Variants in ATAD5 observed in about 807,000 individuals in gnomAD.
ATAD5 encodes the protein ATPase family AAA domain-containing protein 5.
In ATAD5, 58 loss-of-function variants were observed where a neutral mutation model predicts 176.9. That is an observed-to-expected ratio of 0.33 (90% CI 0.27 to 0.41). The LOEUF (loss-of-function observed/expected upper bound fraction) is 0.41, where lower values mean the gene tolerates loss of function less well. Ranked by LOEUF, ATAD5 falls within the 10% of genes least tolerant of loss-of-function variation. The pLI, the probability that ATAD5 is intolerant of heterozygous loss-of-function variation, is 1.00. For missense variants in ATAD5, 1,789 were observed against 2,094.1 expected, an observed-to-expected ratio of 0.85 and a Z score of 2.84; for synonymous variants, 640 against 712.6, an observed-to-expected ratio of 0.90 and a Z score of 1.62.
Position 30,843,896 on chromosome 17 carries a change from CT to C in ATAD5, c.2242-16del. ...TTATATGATTTAATTAAAATTTATT[CT>C]CTTATTTTGTCTTAGGATTCTGTTA... On this transcript the variant is annotated splice_polypyrimidine_tract_variant and intron_variant, in intron 4 of 22. Coordinates refer to ENST00000321990, the MANE Select transcript of ATAD5 (RefSeq NM_024857.5). 1 of 1,258,738 alleles carries C rather than the reference CT, an allele frequency of 7.9e-7. No individual in the cohort carries two copies. Among genetic ancestry groups the C allele is most frequent in the Non-Finnish European group, 1.1e-6 (1 of 927,782 alleles). 78.0% of individuals were successfully genotyped at this position (1,258,738 alleles called of 1,614,324 possible).
chr17:30,876,132 G>A (rs1254521492), intron 14 of ATAD5, among the ~76,000 whole-genome samples: 1 of 151,648 alleles, frequency 6.6e-6, no homozygotes, highest in Non-Finnish European at 1.5e-5. Flanking sequence ...GCGAGACCCT[G>A]TCTCAAAAAA....
rs1276110681 is a variant in ATAD5 at position 30,859,868 on chromosome 17, C to T, written c.2957-565C>T. ...CCTCCTAGGTAGCTGAGATTACAGG[C>T]ACACGCCACCATGCCTGGCTAATTT... On this transcript the variant is annotated intron_variant, in intron 9 of 22. Coordinates refer to ENST00000321990, the MANE Select transcript of ATAD5 (RefSeq NM_024857.5). 1.4e-5 allele frequency among the ~76,000 whole-genome samples: 2 copies of T among 146,356 alleles called. 1 individual carries two copies. The highest frequency in any genetic ancestry group is 3.0e-5 in the Non-Finnish European group (2 of 66,350).
At chr17:30,872,705 G>A (rs879752921) in intron 14 of ATAD5, among the ~76,000 whole-genome samples, 3 of 151,858 alleles carry the variant, frequency 2.0e-5, no homozygotes, top group African/African-American at 4.8e-5. Flanking sequence ...ACAGGCGCTC[G>A]CCATCACGCA....
chr17:30,884,737 A>G (rs981163201), intron 18 of ATAD5, among the ~76,000 whole-genome samples: 8 of 111,412 alleles, frequency 7.2e-5, no homozygotes, highest in Non-Finnish European at 3.5e-5. Flanking sequence ...CCCTTTCCTT[A>G]TATTTCTTTT....
chr17:30,857,590 GA>G (rs1907357842), intron 8 of ATAD5, among the ~76,000 whole-genome samples: 1 of 152,070 alleles, frequency 6.6e-6, no homozygotes, highest in Non-Finnish European at 1.5e-5. Flanking sequence ...AACATTTTAA[GA>G]ATTAATGATT....
rs770396883 is a variant in ATAD5 at position 30,879,409 on chromosome 17, G to A, written c.4013-14G>A. The A allele has an allele frequency of 9.4e-6, 15 of 1,596,190 alleles. No homozygotes were observed. In the African/African-American group the frequency reaches 1.9e-4, roughly 21 times the overall value. On this transcript the variant is annotated splice_polypyrimidine_tract_variant and intron_variant, in intron 17 of 22. Coordinates refer to ENST00000321990, the MANE Select transcript of ATAD5 (RefSeq NM_024857.5). ...TTAAGAATTTTTTTTTTTTGTGTGT[G>A]TGTGTGTGTGTAGACCCAACATTTA...
chr17:30,845,151 A>G (rs1473243292), intron 6 of ATAD5, among the ~76,000 whole-genome samples: 2 of 152,242 alleles, frequency 1.3e-5, no homozygotes, highest in Non-Finnish European at 2.9e-5. Flanking sequence ...AATACAAAAA[A>G]GCTGATAATG....
At position 30,836,024 on chromosome 17, in the gene ATAD5, C is replaced by G; in HGVS notation, c.1943C>G (p.Pro648Arg). ...SLYTAELITV[P>R]FDSESPIRMK... Reference sequence around the variant, plus strand: ...TATACAGCAGAATTAATAACAGTACCCTTTGATTCAGAGAGCCCTATTAGG... The same window carrying G: ...TATACAGCAGAATTAATAACAGTACGCTTTGATTCAGAGAGCCCTATTAGG... Residue 648 changes from proline (P) to arginine (R), a missense_variant, in exon 2 of 23, where the codon CCC becomes CGC. This residue lies in a region of ATAD5 where 487 missense variants were observed against 573.6 expected (regional missense o/e 0.85). Coordinates refer to ENST00000321990, the MANE Select transcript of ATAD5 (RefSeq NM_024857.5). 6.2e-7 allele frequency: 1 copy of G among 1,603,382 alleles called. No individual in the cohort carries two copies.
chr17:30,834,206 AT>A lies in ATAD5; in HGVS notation c.128del (p.Leu43TyrfsTer4). The A allele has an allele frequency of 1.3e-6, 2 of 1,595,118 alleles. No homozygotes were observed. The highest frequency in any genetic ancestry group is 1.8e-5 in the Admixed American group (1 of 54,230). On this transcript the variant is annotated frameshift_variant, in exon 2 of 23. Coordinates refer to ENST00000321990, the MANE Select transcript of ATAD5 (RefSeq NM_024857.5). LOFTEE classifies it high-confidence loss of function. Reference sequence around the variant, plus strand: ...TCTACCTGCAAAACAATTACAAAATATTTATCACCACTAGGGAAGACTAGAG... The same window carrying A: ...TCTACCTGCAAAACAATTACAAAATATTATCACCACTAGGGAAGACTAGAG... ...DTSTCKTITK[Y>X]LSPLGKTRDR...
At chr17:30,891,403 A>T (rs1909631822) in intron 19 of ATAD5, among the ~76,000 whole-genome samples, 1 of 152,130 alleles carries the variant, frequency 6.6e-6, no homozygotes. Flanking sequence ...ACGGAGCCTC[A>T]CTCAGTCGCC....
chr17:30,894,497 G>A, intron 21 of ATAD5, 67 bp from the exon 22 acceptor site: 2 of 1,485,028 alleles, frequency 1.3e-6, no homozygotes, highest in Non-Finnish European at 9.1e-7. Flanking sequence ...AACTAAACTG[G>A]TTGTGATTGG....
At chr17:30,842,988 C>A (rs1906223622) in intron 4 of ATAD5, among the ~76,000 whole-genome samples, 1 of 151,978 alleles carries the variant, frequency 6.6e-6, no homozygotes, top group African/African-American at 2.4e-5. Context: ...GGTAATCCCC[C>A]CTGCCTTGGC....
intron 17 of ATAD5, among the ~76,000 whole-genome samples, chr17:30,878,727 T>TGTTTGTTTG (rs1375995108): frequency 3.2e-5 from 3 of 94,398 alleles, no homozygotes; most frequent in African/African-American, 1.2e-4. Context: ...TGTTTTTTTT[T>TGTTTGTTTG]TTTTTTTTTT....
At chr17:30,859,651 A>T (rs959218647) in intron 9 of ATAD5, among the ~76,000 whole-genome samples, 1 of 152,004 alleles carries the variant, frequency 6.6e-6, no homozygotes, top group Admixed American at 6.6e-5. Context: ...ATGAGCCACC[A>T]TACCTGGCCT....
At chr17:30,884,848 C>T (rs1297773680) in intron 18 of ATAD5, among the ~76,000 whole-genome samples, 19 of 147,544 alleles carry the variant, frequency 1.3e-4, no homozygotes, top group Admixed American at 1.2e-3. Context: ...CCTGGGTTCA[C>T]GCCATTCTCC....
chr17:30,871,940 T>C (rs1458335854), intron 14 of ATAD5, among the ~76,000 whole-genome samples: 1 of 152,136 alleles, frequency 6.6e-6, no homozygotes, highest in Non-Finnish European at 1.5e-5. Flanking sequence ...GTGTTTGTTT[T>C]TGAGACAGTC....
In ATAD5 at chr17:30,857,095, G is replaced by C; in HGVS notation, c.2776G>C (p.Gly926Arg). The change falls in exon 8 of 23, where the codon GGT (glycine) becomes CGT (arginine). Residue 926 changes from glycine (G) to arginine (R), a missense_variant. Gly to Arg is a moderately radical substitution (Grantham distance 125). Transcript: ENST00000321990. ...FSTLNSKLKS[G>R]NSAAVFMRTR... ...AACATTGAATTCAAAGTTGAAAAGC[G>C]GTAACTCTGCTGCTGTGGTAAGTAT... The C allele has an allele frequency of 6.2e-7, 1 of 1,610,752 alleles. No homozygotes were observed.
intron 14 of ATAD5, among the ~76,000 whole-genome samples, chr17:30,874,122 G>A (rs1908507561): frequency 6.6e-6 from 1 of 151,934 alleles, no homozygotes; most frequent in South Asian, 2.1e-4. Context: ...CTGAGATTGT[G>A]CCACTGCACT....
chr17:30,834,084 T>A, intron 1 of ATAD5, 64 bp from the exon 2 acceptor site: 2 of 1,327,646 alleles, frequency 1.5e-6, no homozygotes. Context: ...AGATCCATGT[T>A]TAAAATTTAT....
Sources: allele counts gnomAD v4.1 joint callset (sites outside exome capture counted in the v4.1 genomes callset), GRCh38; gene constraint gnomAD v4.1.1; regional missense constraint gnomAD v4.1.1; transcripts MANE v1.5; gene names NCBI Gene and HGNC (gene_info 2026-07-23, HGNC 2026-07-21).